ZFP3: variants seen among roughly 807,000 people sequenced by gnomAD.
ZFP3 encodes zinc finger protein 3 homolog.
In ZFP3, 18 loss-of-function variants were observed where a neutral mutation model predicts 36.7. The observed-to-expected ratio is 0.49, with a 90% CI of 0.34 to 0.73. ZFP3 has a LOEUF of 0.73. ZFP3 is among the 30% of genes least tolerant of loss of function. The pLI is 0.01. For missense variants in ZFP3, 495 were observed against 599.0 expected (o/e 0.83, Z 1.81); for synonymous variants, 218 against 199.0 (o/e 1.10, Z -0.81).
At position 5,092,637 on chromosome 17, in the gene ZFP3, C is replaced by T. The variant is rs369952753; in HGVS notation, c.1133C>T (p.Ser378Leu). 7 of 1,614,018 alleles carry T rather than the reference C, an allele frequency of 4.3e-6. No homozygotes were observed. The African/African-American group carries it at 5.3e-5, about 12-fold the overall frequency. ...KECGKAFRGN[S>L]ELLRHERIHT... ...TGTGGGAAGGCCTTCAGGGGGAACT[C>T]AGAACTTCTTAGACATGAGAGAATT... The change falls in exon 2 of 2, where the codon TCA (serine) becomes TTA (leucine). Residue 378 changes from serine (S) to leucine (L), a missense_variant. Around this residue, in one of 3 missense-constraint regions of ZFP3, gnomAD observed 163 missense variants for 178.4 expected, o/e 0.91. Transcript: ENST00000318833. This position sits in a 1 kb window ranked among gnomAD's most constrained non-coding sequence, Gnocchi z 5.0.
rs2072158999 is a variant in ZFP3, at chr17:5,093,003, G to A, written c.1499G>A (p.Cys500Tyr). 6.3e-7 allele frequency: 1 copy of A among 1,576,508 alleles called. No individual in the cohort carries two copies. Among genetic ancestry groups the A allele is most frequent in the Non-Finnish European group, 8.6e-7 (1 of 1,163,524 alleles). The change falls in exon 2 of 2, where the codon TGT (cysteine) becomes TAT (tyrosine). Residue 500 changes from cysteine (C) to tyrosine (Y), a missense_variant. Cys to Tyr is a radical substitution (Grantham distance 194). This residue lies in a region of ZFP3 where 163 missense variants were observed against 178.4 expected (regional missense o/e 0.91). Transcript: ENST00000318833. ...SHLLRHQSVH[C>Y]ME ...CTCCTCCGACATCAAAGTGTTCACTGTATGGAGTAATCTGCAAAATAGGAA... is the reference window on the plus strand; with the variant it reads ...CTCCTCCGACATCAAAGTGTTCACTATATGGAGTAATCTGCAAAATAGGAA...
At position 5,092,091 on chromosome 17, in the gene ZFP3, C is replaced by A; in HGVS notation, c.587C>A (p.Pro196His). 4 of 1,614,162 alleles carry A rather than the reference C, an allele frequency of 2.5e-6. No individual in the cohort carries two copies. The highest frequency in any genetic ancestry group is 2.5e-6 in the Non-Finnish European group (3 of 1,180,032). Residue 196 changes from proline (P) to histidine (H), a missense_variant, in exon 2 of 2, where the codon CCC (proline) becomes CAC (histidine). Physicochemically the swap from Pro to His is moderately conservative, Grantham distance 77. Around this residue, in one of 3 missense-constraint regions of ZFP3, gnomAD observed 229 missense variants for 233.8 expected, o/e 0.98. Transcript: ENST00000318833. The surrounding 1 kb of genome is among the most constrained non-coding windows in gnomAD (Gnocchi z 5.0). ...CTGAGAATTCATGCTGGAGAAAAACCCTTTGCTTGTAATGAATGTGGAAAG... is the reference window on the plus strand; with the variant it reads ...CTGAGAATTCATGCTGGAGAAAAACACTTTGCTTGTAATGAATGTGGAAAG... ...RHLRIHAGEK[P>H]FACNECGKAF...
At chr17:5,084,267 C>CT (rs59148082) in intron 1 of ZFP3, among the ~76,000 whole-genome samples, 3 of 60,092 alleles carry the variant, frequency 5.0e-5, no homozygotes, top group African/African-American at 1.5e-4. Flanking sequence ...GTGAATGAGG[C>CT]TTTTTTTTTT....
In ZFP3 at chr17:5,093,101, C is replaced by A; in HGVS notation, c.*88C>A. The A allele has an allele frequency of 1.5e-6, 2 of 1,352,594 alleles. No homozygotes were observed. The highest frequency in any genetic ancestry group is 1.6e-5 in the South Asian group (1 of 64,136). The allele number at this position is 1,352,594 out of a possible 1,614,324, so 83.8% of individuals were successfully genotyped here. ...TATGCAAATATGCACCCCAAGTATT[C>A]AAATCCAATGAATGGACAGAACCTC... On this transcript the variant is annotated 3_prime_UTR_variant, in exon 2 of 2. Transcript: ENST00000318833.
chr17:5,079,572 T>G (rs1597901681), intron 1 of ZFP3, among the ~76,000 whole-genome samples: 1 of 152,186 alleles, frequency 6.6e-6, no homozygotes, highest in East Asian at 1.9e-4. Context: ...CACTTAACAT[T>G]TACCAGGTAT....
Position 5,083,846 on chromosome 17 carries a change from ATTTTCTTTTCTTTTC to A in ZFP3, c.-9+5291_-9+5305del, listed in dbSNP as rs71149521. Among the ~76,000 whole-genome samples the A allele has an allele frequency of 8.0e-3, 1,190 of 148,786 alleles. 20 individuals are homozygous for A. Among genetic ancestry groups the A allele is most frequent in the African/African-American group, 0.025 (1,005 of 40,060 alleles). ...GGGTTTTATGTGGCTTTCCATGCAG[ATTTTCTTTTCTTTTC>A]TTTTCTTTTCTTTTCTTTTTTTTGA... On this transcript the variant is annotated intron_variant, in intron 1 of 1. Coordinates refer to ENST00000318833, the MANE Select transcript of ZFP3 (RefSeq NM_153018.3).
chr17:5,082,019 C>G (rs2072096163), intron 1 of ZFP3, among the ~76,000 whole-genome samples: 1 of 149,662 alleles, frequency 6.7e-6, no homozygotes, highest in Non-Finnish European at 1.5e-5. Context: ...TGAGACCAGC[C>G]TGGCCAACAT....
Position 5,091,762 on chromosome 17 carries a change from G to C in ZFP3, c.258G>C (p.Arg86=). 6.2e-7 allele frequency: 1 copy of C among 1,614,206 alleles called. No homozygotes were observed. Residue 86 remains arginine, a synonymous_variant, in exon 2 of 2, where the codon CGG becomes CGC. Transcript: ENST00000318833. ...AATCACCCTCAAGTGAGAAAGACCG[G>C]GAGAATAATGAGAGTGAGAGAGGCT... is the stretch of plus-strand genomic sequence containing the variant. ...FKKSPSSEKD[R]ENNESERGCS...
rs1224056749 is a variant in ZFP3, at chr17:5,078,827, G to A, written c.-9+252G>A. Reference sequence around the variant, plus strand: ...TTGGTGCCTGTCAGCCGTGGGGGTGGGAGAAGCAGGGACACTCCCTTCTGT... The same window carrying A: ...TTGGTGCCTGTCAGCCGTGGGGGTGAGAGAAGCAGGGACACTCCCTTCTGT... On this transcript the variant is annotated intron_variant, in intron 1 of 1. Coordinates refer to ENST00000318833, the MANE Select transcript of ZFP3 (RefSeq NM_153018.3). The surrounding 1 kb of genome is among the most constrained non-coding windows in gnomAD (Gnocchi z 4.5). Among the ~76,000 whole-genome samples, 1 of 152,206 alleles carries A rather than the reference G, an allele frequency of 6.6e-6. No individual in the cohort carries two copies. Among genetic ancestry groups the A allele is most frequent in the Non-Finnish European group, 1.5e-5 (1 of 68,024 alleles).
chr17:5,091,444 G>A, intron 1 of ZFP3, 53 bp from the exon 2 acceptor site: 2 of 1,541,740 alleles, frequency 1.3e-6, no homozygotes, highest in Non-Finnish European at 1.8e-6. Context: ...TCTAGTGTTA[G>A]CTTCATTTAA....
rs548691660 is a variant in ZFP3 at position 5,078,984 on chromosome 17, C to T, written c.-9+409C>T. ...GCAGATTGTGCCCTGTGCTGCCAGA[C>T]AAGATATTGGCTTATGAGGGGTGGT... On this transcript the variant is annotated intron_variant, in intron 1 of 1. Coordinates refer to ENST00000318833, the MANE Select transcript of ZFP3 (RefSeq NM_153018.3). This position sits in a 1 kb window ranked among gnomAD's most constrained non-coding sequence, Gnocchi z 4.5. Among the ~76,000 whole-genome samples the T allele has an allele frequency of 1.2e-4, 19 of 152,178 alleles. No homozygotes were observed. The highest frequency in any genetic ancestry group is 4.6e-4 in the African/African-American group (19 of 41,512).
chr17:5,086,653 A>G (rs1478902521), intron 1 of ZFP3, among the ~76,000 whole-genome samples: 1 of 147,028 alleles, frequency 6.8e-6, no homozygotes, highest in African/African-American at 2.5e-5. Context: ...GGCTTTTGCT[A>G]CTGTCATTCC....
At chr17:5,081,036 A>G (rs1470408301) in intron 1 of ZFP3, among the ~76,000 whole-genome samples, 1 of 147,908 alleles carries the variant, frequency 6.8e-6, no homozygotes, top group African/African-American at 2.5e-5. Context: ...TCCCCTCCAT[A>G]TTTATCCCAC....
Position 5,094,508 on chromosome 17 carries a change from G to GTC in ZFP3, c.*1497_*1498dup, listed in dbSNP as rs1392614498. ...GGGGGCCCAACAGGCCTGGGGGCTG[G>GTC]TCTTAGCGCTAGACCTTGAACAAGG... On this transcript the variant is annotated 3_prime_UTR_variant, in exon 2 of 2. Transcript: ENST00000318833. 2 of 167,100 alleles carry GTC rather than the reference G, an allele frequency of 1.2e-5. No homozygotes were observed. Among genetic ancestry groups the GTC allele is most frequent in the African/African-American group, 2.4e-5 (1 of 41,454 alleles). The allele number at this position is 167,100 out of a possible 1,614,324, so 10.4% of individuals were successfully genotyped here. A position where few individuals can be genotyped will look rare whatever the true frequency, so the allele number is the denominator to read the frequency against.
chr17:5,087,988 GTTTC>G (rs1188850066), intron 1 of ZFP3, among the ~76,000 whole-genome samples: 1 of 152,174 alleles, frequency 6.6e-6, no homozygotes, highest in Non-Finnish European at 1.5e-5. Context: ...ACTCGTGACT[GTTTC>G]TTTGACTCCT....
rs199506205 is a variant in ZFP3, at chr17:5,093,621, C to G, written c.*608C>G. 1 of 62 alleles carries G rather than the reference C, an allele frequency of 0.016. No homozygotes were observed. Among genetic ancestry groups the G allele is most frequent in the South Asian group, 0.25 (1 of 4 alleles). The allele number at this position is 62 out of a possible 1,614,324, so 0.0% of individuals were successfully genotyped here. A position where few individuals can be genotyped will look rare whatever the true frequency, so the allele number is the denominator to read the frequency against. Reference sequence around the variant, plus strand: ...AAGACACACCTCATTCTCCTGTCCACTGTTTAGCATTGGAATAATTTAGTA... The same window carrying G: ...AAGACACACCTCATTCTCCTGTCCAGTGTTTAGCATTGGAATAATTTAGTA... On this transcript the variant is annotated 3_prime_UTR_variant, in exon 2 of 2. Transcript: ENST00000318833.
intron 1 of ZFP3, among the ~76,000 whole-genome samples, chr17:5,082,854 C>T (rs552839167): frequency 8.5e-5 from 13 of 152,258 alleles, no homozygotes; most frequent in African/African-American, 3.1e-4. Flanking sequence ...ATCAGGTTGT[C>T]AGTCAGCTGC....
Position 5,094,203 on chromosome 17 carries a change from A to T in ZFP3, c.*1190A>T, listed in dbSNP as rs977430095. On this transcript the variant is annotated 3_prime_UTR_variant, in exon 2 of 2. Transcript: ENST00000318833. ...TCTTGGTTTTGCCCCTTGGCCTTGA[A>T]ATTCTTTTTTCTTGAATAACTTTAA... 6.0e-6 allele frequency: 1 copy of T among 167,070 alleles called. No individual in the cohort carries two copies. The highest frequency in any genetic ancestry group is 2.4e-5 in the African/African-American group (1 of 41,440). 10.3% of individuals were successfully genotyped at this position (167,070 alleles called of 1,614,324 possible).
At chr17:5,091,425 C>T in intron 1 of ZFP3, 72 bp from the exon 2 acceptor site, 1 of 1,448,980 alleles carries the variant, frequency 6.9e-7, no homozygotes, top group South Asian at 1.4e-5. Context: ...CATCAAAGCT[C>T]TGTTGTCCTC....
Sources: allele counts gnomAD v4.1 joint callset (sites outside exome capture counted in the v4.1 genomes callset), GRCh38; gene constraint gnomAD v4.1.1; regional missense constraint gnomAD v4.1.1; non-coding constraint Gnocchi (gnomAD v3.1); transcripts MANE v1.5; gene names NCBI Gene and HGNC (gene_info 2026-07-23, HGNC 2026-07-21).